The following LYL1 variants were observed in gnomAD, a reference collection of about 807,000 sequenced individuals.
LYL1 encodes the protein protein lyl-1.
In LYL1, 4 loss-of-function variants were observed where a neutral mutation model predicts 11.1. That is an observed-to-expected ratio of 0.36 (90% CI 0.18 to 0.82). LYL1 has a LOEUF of 0.82. Among genes scored for constraint, LYL1 ranks in the 40% least tolerant of loss-of-function variants. LYL1 has a pLI of 0.49. For missense variants in LYL1, 356 were observed against 397.6 expected, an observed-to-expected ratio of 0.90 and a Z score of 0.89; for synonymous variants, 179 against 174.8, an observed-to-expected ratio of 1.02 and a Z score of -0.19.
chr19:13,100,079 G>C (rs1403128227), intron 3 of LYL1, among the ~76,000 whole-genome samples: 1 of 152,338 alleles, frequency 6.6e-6, no homozygotes, highest in East Asian at 1.9e-4. Flanking sequence ...CGGCTGGCTG[G>C]GTGTACTCAT....
chr19:13,099,313 G>T lies in LYL1; in HGVS notation c.*6C>A. ...CCCTCCGGCTCAGAGGTGCTGCCGC[G>T]TGCGGTCACCGCACCTCTGGGCTCA... On this transcript the variant is annotated 3_prime_UTR_variant, in exon 4 of 4. Coordinates refer to ENST00000264824, the MANE Select transcript of LYL1 (RefSeq NM_005583.5). This position sits in a 1 kb window ranked among gnomAD's most constrained non-coding sequence, Gnocchi z 5.3. 1 of 1,270,990 alleles carries T rather than the reference G, an allele frequency of 7.9e-7. No homozygotes were observed. The highest frequency in any genetic ancestry group is 9.9e-7 in the Non-Finnish European group (1 of 1,007,572). The allele number at this position is 1,270,990 out of a possible 1,614,324, so 78.7% of individuals were successfully genotyped here.
chr19:13,102,442 GTGAA>G lies in LYL1; in HGVS notation c.-25+85_-25+88del, dbSNP rs956485733. 10 of 187,900 alleles carry G rather than the reference GTGAA, an allele frequency of 5.3e-5. No homozygotes were observed. Among genetic ancestry groups the G allele is most frequent in the South Asian group, 1.9e-4 (1 of 5,156 alleles). 11.6% of individuals were successfully genotyped at this position (187,900 alleles called of 1,614,324 possible). ...GCCCCTCACTAGTGGGTCCCTGCTG[GTGAA>G]TGAATGAATGAAGGAATGAACAAAG... is the stretch of plus-strand genomic sequence containing the variant. On this transcript the variant is annotated intron_variant, in intron 1 of 3. Coordinates refer to ENST00000264824, the MANE Select transcript of LYL1 (RefSeq NM_005583.5). This position sits in a 1 kb window ranked among gnomAD's most constrained non-coding sequence, Gnocchi z 4.9.
In LYL1 at chr19:13,101,421, C is replaced by CG. The variant is rs529035902; in HGVS notation, c.-24-227dup. 240 of 415,190 alleles carry CG rather than the reference C, an allele frequency of 5.8e-4. 2 individuals carry two copies. Among genetic ancestry groups the CG allele is most frequent in the African/African-American group, 3.7e-3 (179 of 48,658 alleles). The allele number at this position is 415,190 out of a possible 1,614,324, so 25.7% of individuals were successfully genotyped here. Reference sequence around the variant, plus strand: ...GAGGCGCCCCCCAGGTGCTAGGCAGCGCACTGTCCCTGAGCTCTTTGTGAC... The same window carrying CG: ...GAGGCGCCCCCCAGGTGCTAGGCAGCGGCACTGTCCCTGAGCTCTTTGTGAC... On this transcript the variant is annotated intron_variant, in intron 1 of 3. Transcript: ENST00000264824. The surrounding 1 kb of genome is among the most constrained non-coding windows in gnomAD (Gnocchi z 5.1).
In LYL1 at chr19:13,100,939, G is replaced by A; in HGVS notation, c.233C>T (p.Thr78Ile). Residue 78 changes from threonine (T) to isoleucine (I), a missense_variant, in exon 2 of 4, where the codon ACA becomes ATA. Coordinates refer to ENST00000264824, the MANE Select transcript of LYL1 (RefSeq NM_005583.5). ...CGGGGGCCGCAGAGTGCCCAGCTCT[G>A]TGGTGGGCATGGCTACCCCTGGGGG... ...SRPPGVAMPT[T>I]ELGTLRPPLL... The A allele has an allele frequency of 6.5e-7, 1 of 1,529,194 alleles. No homozygotes were observed. Among genetic ancestry groups the A allele is most frequent in the Non-Finnish European group, 8.8e-7 (1 of 1,135,500 alleles). 94.7% of individuals were successfully genotyped at this position (1,529,194 alleles called of 1,614,324 possible). A position where few individuals can be genotyped will look rare whatever the true frequency, so the allele number is the denominator to read the frequency against.
Position 13,099,462 on chromosome 19 carries a change from C to T in LYL1, c.700G>A (p.Gly234Ser). 1 of 1,262,046 alleles carries T rather than the reference C, an allele frequency of 7.9e-7. No homozygotes were observed. Among genetic ancestry groups the T allele is most frequent in the Non-Finnish European group, 1.0e-6 (1 of 996,772 alleles). The allele number at this position is 1,262,046 out of a possible 1,614,324, so 78.2% of individuals were successfully genotyped here. Residue 234 changes from glycine to serine, a missense_variant, in exon 4 of 4, where the codon GGC becomes AGC. Physicochemically the swap from Gly to Ser is moderately conservative, Grantham distance 56 (BLOSUM62 0). Coordinates refer to ENST00000264824, the MANE Select transcript of LYL1 (RefSeq NM_005583.5). This position sits in a 1 kb window ranked among gnomAD's most constrained non-coding sequence, Gnocchi z 5.3. ...KRPVHRVPDD[G>S]ARRGSGRRAE... is the part of the protein sequence containing the mutation. ...CTGCGTCCGGATCCCCGGCGGGCGC[C>T]GTCGTCTGGGACCCGGTGCACCGGC...
At position 13,102,581 on chromosome 19, in the gene LYL1, G is replaced by A. The variant is rs1415388749; in HGVS notation, c.-75C>T. On this transcript the variant is annotated 5_prime_UTR_variant, in exon 1 of 4. Coordinates refer to ENST00000264824, the MANE Select transcript of LYL1 (RefSeq NM_005583.5). The surrounding 1 kb of genome is among the most constrained non-coding windows in gnomAD (Gnocchi z 4.9). ...GAGTGCCCTGGCTCTGTCCCGTCAGGGCTGGCAGTCTGGGCCAGGGTGTGG... is the reference window on the plus strand; with the variant it reads ...GAGTGCCCTGGCTCTGTCCCGTCAGAGCTGGCAGTCTGGGCCAGGGTGTGG... 1.7e-5 allele frequency: 3 copies of A among 174,670 alleles called. No individual in the cohort carries two copies. Among genetic ancestry groups the A allele is most frequent in the Non-Finnish European group, 3.7e-5 (3 of 80,896 alleles). 10.8% of individuals were successfully genotyped at this position (174,670 alleles called of 1,614,324 possible).
In LYL1 at chr19:13,102,782, C is replaced by G. The variant is rs2018704972; in HGVS notation, c.-276G>C. 1 of 152,714 alleles carries G rather than the reference C, an allele frequency of 6.5e-6. No homozygotes were observed. The highest frequency in any genetic ancestry group is 2.1e-4 in the South Asian group (1 of 4,838). 9.5% of individuals were successfully genotyped at this position (152,714 alleles called of 1,614,324 possible). A position where few individuals can be genotyped will look rare whatever the true frequency, so the allele number is the denominator to read the frequency against. ...CCCGGGCCGGCCCGCCTTCTCCCCG[C>G]CCCCGGCGGCCCGGTTTCCTCCCTC... On this transcript the variant is annotated 5_prime_UTR_variant, in exon 1 of 4. Coordinates refer to ENST00000264824, the MANE Select transcript of LYL1 (RefSeq NM_005583.5). The surrounding 1 kb of genome is among the most constrained non-coding windows in gnomAD (Gnocchi z 4.9).
chr19:13,100,507 G>A, intron 3 of LYL1, 150 bp downstream of exon 3: 1 of 788,638 alleles, frequency 1.3e-6, no homozygotes, highest in Non-Finnish European at 2.2e-6. Context: ...AACCTATGTG[G>A]GCTGTTCTCT....
In LYL1 at chr19:13,099,871, G is replaced by A. The variant is rs959642255; in HGVS notation, c.428-137C>T. The A allele has an allele frequency of 1.4e-6, 1 of 727,618 alleles. No homozygotes were observed. The highest frequency in any genetic ancestry group is 2.1e-6 in the Non-Finnish European group (1 of 486,560). The allele number at this position is 727,618 out of a possible 1,614,324, so 45.1% of individuals were successfully genotyped here. A position where few individuals can be genotyped will look rare whatever the true frequency, so the allele number is the denominator to read the frequency against. ...GGCTTTCTCCACCCAAGGGGTCCAC[G>A]GGCAGCTCTCCCCACCCCTCCCAAG... On this transcript the variant is annotated intron_variant, in intron 3 of 3. Transcript: ENST00000264824. The surrounding 1 kb of genome is among the most constrained non-coding windows in gnomAD (Gnocchi z 5.3).
Position 13,101,382 on chromosome 19 carries a change from C to T in LYL1, c.-24-187G>A, listed in dbSNP as rs1346081960. The T allele has an allele frequency of 2.4e-6, 1 of 412,852 alleles. No homozygotes were observed. Among genetic ancestry groups the T allele is most frequent in the African/African-American group, 2.1e-5 (1 of 48,612 alleles). The allele number at this position is 412,852 out of a possible 1,614,324, so 25.6% of individuals were successfully genotyped here. A position where few individuals can be genotyped will look rare whatever the true frequency, so the allele number is the denominator to read the frequency against. Reference sequence around the variant, plus strand: ...ACTTCCAGGACACGGGAGGGGGGTCCTACGTTAGAGTAGGAGGCGCCCCCC... The same window carrying T: ...ACTTCCAGGACACGGGAGGGGGGTCTTACGTTAGAGTAGGAGGCGCCCCCC... On this transcript the variant is annotated intron_variant, in intron 1 of 3. Transcript: ENST00000264824. This position sits in a 1 kb window ranked among gnomAD's most constrained non-coding sequence, Gnocchi z 5.1.
At chr19:13,100,332 C>A (rs529642328) in intron 3 of LYL1, among the ~76,000 whole-genome samples, 1 of 152,306 alleles carries the variant, frequency 6.6e-6, no homozygotes, top group East Asian at 1.9e-4. Context: ...GGTCTTGTGG[C>A]TGTCTTGCGT....
At position 13,099,279 on chromosome 19, in the gene LYL1, T is replaced by C; in HGVS notation, c.*40A>G. On this transcript the variant is annotated 3_prime_UTR_variant, in exon 4 of 4. Coordinates refer to ENST00000264824, the MANE Select transcript of LYL1 (RefSeq NM_005583.5). The surrounding 1 kb of genome is among the most constrained non-coding windows in gnomAD (Gnocchi z 5.3). ...CTTTCCTTGACGGCCCTGGGCCGAG[T>C]CCCTGGTGCCCTCCGGCTCAGAGGT... 8.0e-7 allele frequency: 1 copy of C among 1,244,410 alleles called. No individual in the cohort carries two copies. Among genetic ancestry groups the C allele is most frequent in the Non-Finnish European group, 1.0e-6 (1 of 993,316 alleles). 77.1% of individuals were successfully genotyped at this position (1,244,410 alleles called of 1,614,324 possible). A position where few individuals can be genotyped will look rare whatever the true frequency, so the allele number is the denominator to read the frequency against.
In LYL1 at chr19:13,099,296, C is replaced by G; in HGVS notation, c.*23G>C. On this transcript the variant is annotated 3_prime_UTR_variant, in exon 4 of 4. Transcript: ENST00000264824. This position sits in a 1 kb window ranked among gnomAD's most constrained non-coding sequence, Gnocchi z 5.3. ...GGGCCGAGTCCCTGGTGCCCTCCGG[C>G]TCAGAGGTGCTGCCGCGTGCGGTCA... 7 of 1,261,212 alleles carry G rather than the reference C, an allele frequency of 5.6e-6. No homozygotes were observed. The highest frequency in any genetic ancestry group is 6.0e-6 in the Non-Finnish European group (6 of 1,002,708). The allele number at this position is 1,261,212 out of a possible 1,614,324, so 78.1% of individuals were successfully genotyped here. A position where few individuals can be genotyped will look rare whatever the true frequency, so the allele number is the denominator to read the frequency against.
chr19:13,099,729 G>T lies in LYL1; in HGVS notation c.433C>A (p.Gln145Lys), dbSNP rs759188369. The T allele has an allele frequency of 2.0e-6, 3 of 1,491,456 alleles. No homozygotes were observed. The highest frequency in any genetic ancestry group is 2.7e-6 in the Non-Finnish European group (3 of 1,114,936). The allele number at this position is 1,491,456 out of a possible 1,614,324, so 92.4% of individuals were successfully genotyped here. A position where few individuals can be genotyped will look rare whatever the true frequency, so the allele number is the denominator to read the frequency against. Residue 145 changes from glutamine (Q) to lysine (K), a missense_variant, in exon 4 of 4, where the codon CAG becomes AAG. By Grantham distance (53) the Gln-to-Lys change is moderately conservative (BLOSUM62 1). Coordinates refer to ENST00000264824, the MANE Select transcript of LYL1 (RefSeq NM_005583.5). This position sits in a 1 kb window ranked among gnomAD's most constrained non-coding sequence, Gnocchi z 5.3. ...HCELDLAEGH[Q>K]PQKVARRVFT... ...ACGCGCCGGGCCACCTTCTGGGGCT[G>T]GTGCCCTGTGGACAAGGAGGGCCGG...
At chr19:13,100,568 G>T in intron 3 of LYL1, 89 bp downstream of exon 3, 2 of 1,188,896 alleles carry the variant, frequency 1.7e-6, no homozygotes, top group Non-Finnish European at 2.5e-6. Flanking sequence ...ACAGACATGA[G>T]CCCCACACAG....
rs896897779 is a variant in LYL1, at chr19:13,099,781, C to T, written c.428-47G>A. ...TTGGTGCCATGGCCCAAAGGGCGGC[C>T]CCTCCTGCCCTCCCGCTAGACACGC... On this transcript the variant is annotated intron_variant, in intron 3 of 3. Coordinates refer to ENST00000264824, the MANE Select transcript of LYL1 (RefSeq NM_005583.5). The surrounding 1 kb of genome is among the most constrained non-coding windows in gnomAD (Gnocchi z 5.3). The T allele has an allele frequency of 1.5e-6, 2 of 1,352,690 alleles. No homozygotes were observed. Among genetic ancestry groups the T allele is most frequent in the Non-Finnish European group, 1.9e-6 (2 of 1,040,188 alleles). The allele number at this position is 1,352,690 out of a possible 1,614,324, so 83.8% of individuals were successfully genotyped here.
rs1474278412 is a variant in LYL1, at chr19:13,099,622, G to A, written c.540C>T (p.His180=). 6.4e-7 allele frequency: 1 copy of A among 1,556,054 alleles called. No homozygotes were observed. Among genetic ancestry groups the A allele is most frequent in the Non-Finnish European group, 8.7e-7 (1 of 1,150,558 alleles). ...FAELRKLLPT[H]PPDRKLSKNE... is the part of the protein sequence containing the mutation. ...TCTTGCTCAGCTTCCGGTCGGGCGG[G>A]TGCGTCGGCAGCAGCTTCCTCAGCT... The change falls in exon 4 of 4, where the codon CAC becomes CAT. Residue 180 remains histidine, a synonymous_variant. Coordinates refer to ENST00000264824, the MANE Select transcript of LYL1 (RefSeq NM_005583.5). The surrounding 1 kb of genome is among the most constrained non-coding windows in gnomAD (Gnocchi z 5.3).
intron 3 of LYL1, 105 bp downstream of exon 3, chr19:13,100,552 T>C: frequency 1.6e-5 from 17 of 1,033,662 alleles, no homozygotes; most frequent in Non-Finnish European, 2.6e-5. Context: ...CGAGGTGGAG[T>C]AGAGGACAGA....
chr19:13,099,472 G>A lies in LYL1; in HGVS notation c.690C>T (p.Val230=). 1.6e-6 allele frequency: 2 copies of A among 1,280,224 alleles called. No individual in the cohort carries two copies. Among genetic ancestry groups the A allele is most frequent in the Non-Finnish European group, 9.9e-7 (1 of 1,005,260 alleles). 79.3% of individuals were successfully genotyped at this position (1,280,224 alleles called of 1,614,324 possible). Residue 230 remains valine (V), a synonymous_variant, in exon 4 of 4, where the codon GTC becomes GTT. Coordinates refer to ENST00000264824, the MANE Select transcript of LYL1 (RefSeq NM_005583.5). This position sits in a 1 kb window ranked among gnomAD's most constrained non-coding sequence, Gnocchi z 5.3. ...PGPRKRPVHR[V]PDDGARRGSG... ...ATCCCCGGCGGGCGCCGTCGTCTGG[G>A]ACCCGGTGCACCGGCCGTTTGCGAG...
Sources: gnomAD v4.1 joint callset for allele counts (sites outside exome capture counted in the v4.1 genomes callset) on GRCh38, gnomAD v4.1.1 for gene constraint, Gnocchi (gnomAD v3.1) non-coding constraint, MANE v1.5 for transcripts, NCBI Gene and HGNC (gene_info 2026-07-23, HGNC 2026-07-21) for gene names.